The following ADAM2 variants were observed in gnomAD, a reference collection of about 807,000 sequenced individuals.
ADAM2 encodes the protein ADAM metallopeptidase domain 2.
In ADAM2, 101 loss-of-function variants were observed where a neutral mutation model predicts 99.3. The ratio of observed to expected loss-of-function variants is 1.02; its 90% CI spans 0.87 to 1.20. The LOEUF is 1.20. Ranked by LOEUF, ADAM2 falls within the 50% of genes most tolerant of loss-of-function variation. The pLI, the probability that ADAM2 is intolerant of heterozygous loss-of-function variation, is 0.00. For synonymous variants in ADAM2, 323 were observed against 287.6 expected, an observed-to-expected ratio of 1.12 and a Z score of -1.25; for missense variants, 948 against 878.7, an observed-to-expected ratio of 1.08 and a Z score of -1.00.
chr8:39,772,660 C>T (rs1222789562), intron 11 of ADAM2, among the ~76,000 whole-genome samples: 2 of 151,950 alleles, frequency 1.3e-5, no homozygotes, highest in Non-Finnish European at 2.9e-5. Flanking sequence ...CAATATAGAT[C>T]TCAATCAAGA....
intron 16 of ADAM2, among the ~76,000 whole-genome samples, chr8:39,750,898 G>A (rs538499467): frequency 1.3e-5 from 2 of 152,058 alleles, no homozygotes; most frequent in African/African-American, 2.4e-5. Context: ...TACTCAAAGC[G>A]ACTAATGGTA....
chr8:39,816,793 G>T (rs796937592), intron 6 of ADAM2, among the ~76,000 whole-genome samples: 4 of 152,306 alleles, frequency 2.6e-5, no homozygotes, highest in African/African-American at 9.6e-5. Context: ...GACTGCCATG[G>T]TTATAAAGTT....
chr8:39,797,058 T>C (rs899370085), intron 7 of ADAM2, among the ~76,000 whole-genome samples: 11 of 152,200 alleles, frequency 7.2e-5, no homozygotes, highest in African/African-American at 1.4e-4. Context: ...TTTATTTAGA[T>C]CCTATTTGTC....
chr8:39,775,296 C>A (rs571805505), intron 11 of ADAM2, among the ~76,000 whole-genome samples: 1 of 152,184 alleles, frequency 6.6e-6, no homozygotes, highest in South Asian at 2.1e-4. Context: ...TCTGGTGGAA[C>A]TTGAAAATAA....
intron 15 of ADAM2, 114 bp from the exon 16 acceptor site, chr8:39,756,025 T>A: frequency 1.8e-6 from 1 of 554,796 alleles, no homozygotes; most frequent in Non-Finnish European, 2.9e-6. Flanking sequence ...AGCTAATACA[T>A]GCAATTCGTT....
At chr8:39,828,674 C>T (rs555165827) in intron 3 of ADAM2, among the ~76,000 whole-genome samples, 1 of 151,632 alleles carries the variant, frequency 6.6e-6, no homozygotes, top group Non-Finnish European at 1.5e-5. Context: ...GACATTTGGA[C>T]AGATAAATTA....
chr8:39,749,434 T>C lies in ADAM2; in HGVS notation c.1892A>G (p.Lys631Arg), dbSNP rs1466242472. 1.9e-6 allele frequency: 3 copies of C among 1,612,590 alleles called. No individual in the cohort carries two copies. In the African/African-American group the frequency reaches 4.0e-5, roughly 22 times the overall value. Residue 631 changes from lysine (K) to arginine (R), a missense_variant, in exon 18 of 21, where the codon AAG (lysine) becomes AGG (arginine). Coordinates refer to ENST00000265708, the MANE Select transcript of ADAM2 (RefSeq NM_001464.5). ...CNDRGVCNNK[K>R]HCHCSASYLP... ...ATATGAAGCACTACAGTGACAGTGC[T>C]TTTTGTTATTGCATACCTAAAAGAA...
At chr8:39,818,019 A>G (rs1320314061) in intron 6 of ADAM2, 2 of 152,038 alleles carry the variant, frequency 1.3e-5, no homozygotes, top group Non-Finnish European at 2.9e-5. Context: ...AAATAATTAA[A>G]TCAATCCTCC....
chr8:39,836,040 A>G (rs542440023), intron 2 of ADAM2, among the ~76,000 whole-genome samples: 2 of 152,170 alleles, frequency 1.3e-5, no homozygotes, highest in African/African-American at 4.8e-5. Flanking sequence ...ATGACCAGCT[A>G]TTCCAAGTTT....
rs777159404 is a variant in ADAM2, at chr8:39,749,451, C to T, written c.1876-1G>A. On this transcript the variant is annotated splice_acceptor_variant, in intron 17 of 20. Coordinates refer to ENST00000265708, the MANE Select transcript of ADAM2 (RefSeq NM_001464.5). LOFTEE classifies it high-confidence loss of function. ...GACAGTGCTTTTTGTTATTGCATACCTAAAAGAAGGAGAAATATCACCTTA... is the reference window on the plus strand; with the variant it reads ...GACAGTGCTTTTTGTTATTGCATACTTAAAAGAAGGAGAAATATCACCTTA... 1.9e-6 allele frequency: 3 copies of T among 1,609,456 alleles called. No homozygotes were observed. The African/African-American group carries it at 4.0e-5, about 22-fold the overall frequency.
intron 1 of ADAM2, among the ~76,000 whole-genome samples, chr8:39,837,668 A>T (rs1209778372): frequency 6.6e-6 from 1 of 152,110 alleles, no homozygotes; most frequent in Non-Finnish European, 1.5e-5. Flanking sequence ...TACAGGCATG[A>T]GCCACCGTGC....
intron 18 of ADAM2, among the ~76,000 whole-genome samples, chr8:39,748,640 C>T (rs974410894): frequency 6.6e-6 from 1 of 152,144 alleles, no homozygotes; most frequent in African/African-American, 2.4e-5. Flanking sequence ...TTCATCTAGG[C>T]TTTTCCTCTG....
intron 11 of ADAM2, among the ~76,000 whole-genome samples, chr8:39,770,193 C>G (rs1208084575): frequency 6.6e-6 from 1 of 152,076 alleles, no homozygotes; most frequent in African/African-American, 2.4e-5. Flanking sequence ...GTGATTCGCC[C>G]ACCTAGGCCT....
chr8:39,812,871 G>C (rs574676133), intron 6 of ADAM2, among the ~76,000 whole-genome samples: 1 of 152,122 alleles, frequency 6.6e-6, no homozygotes, highest in African/African-American at 2.4e-5. Context: ...AAGGACTTCA[G>C]GACTAAAACA....
rs541939611 is a variant in ADAM2 at position 39,766,980 on chromosome 8, T to G, written c.1375A>C (p.Asn459His). ...FEECDLPEYC[N>H]GSSASCPENH... ...TCTGGGCATGATGCAGATGATCCAT[T>G]GCAATATTCAGGGAGGTCGCATTCT... The change falls in exon 14 of 21, where the codon AAT becomes CAT. Residue 459 changes from asparagine (N) to histidine (H), a missense_variant. By Grantham distance (68) the Asn-to-His change is moderately conservative. Coordinates refer to ENST00000265708, the MANE Select transcript of ADAM2 (RefSeq NM_001464.5). 6.2e-7 allele frequency: 1 copy of G among 1,614,186 alleles called. No individual in the cohort carries two copies. Among genetic ancestry groups the G allele is most frequent in the African/African-American group, 1.3e-5 (1 of 75,054 alleles).
chr8:39,744,915 A>G, intron 19 of ADAM2, 22 bp from the exon 20 acceptor site: 1 of 1,562,688 alleles, frequency 6.4e-7, no homozygotes, highest in Non-Finnish European at 8.8e-7. Context: ...AAATAAAAAT[A>G]ATATTATACT....
At chr8:39,754,389 G>GA (rs1279244380) in intron 16 of ADAM2, among the ~76,000 whole-genome samples, 4 of 151,956 alleles carry the variant, frequency 2.6e-5, no homozygotes, top group Non-Finnish European at 4.4e-5. Flanking sequence ...TGTATTATGG[G>GA]AAAAAAATAA....
At chr8:39,769,017 T>A (rs935181840) in intron 12 of ADAM2, among the ~76,000 whole-genome samples, 1 of 152,186 alleles carries the variant, frequency 6.6e-6, no homozygotes, top group African/African-American at 2.4e-5. Context: ...AATAAAATGC[T>A]ATGGTGAGAT....
At chr8:39,756,253 T>C (rs543474600) in intron 15 of ADAM2, among the ~76,000 whole-genome samples, 64 of 152,310 alleles carry the variant, frequency 4.2e-4, no homozygotes, top group African/African-American at 1.4e-3. Flanking sequence ...TGAAACAAAA[T>C]CAAACCCAAG....
Sources: gnomAD v4.1 joint callset for allele counts (sites outside exome capture counted in the v4.1 genomes callset) on GRCh38, gnomAD v4.1.1 for gene constraint, MANE v1.5 for transcripts, NCBI Gene and HGNC (gene_info 2026-07-23, HGNC 2026-07-21) for gene names.